The following PUDP variants were observed in gnomAD, a reference collection of about 807,000 sequenced individuals.
PUDP encodes the protein pseudouridine 5'-phosphatase.
Under a neutral mutation model 9.4 loss-of-function variants are expected in PUDP, and 8 were observed. The observed-to-expected ratio is 0.85, with a 90% CI of 0.50 to 1.53. PUDP has a LOEUF of 1.53. Ranked by LOEUF, PUDP falls within the 40% of genes most tolerant of loss-of-function variation. PUDP has a pLI of 0.00. For missense variants in PUDP, 188 were observed against 189.7 expected (o/e 0.99, Z 0.05); for synonymous variants, 99 against 80.7 (o/e 1.23, Z -1.22).
intron 3 of PUDP, among the ~76,000 whole-genome samples, chrX:6,852,502 T>C (rs1399446420): frequency 9.0e-6 from 1 of 111,650 alleles, no homozygotes; most frequent in Non-Finnish European, 1.9e-5. Flanking sequence ...TCATGCTCCT[T>C]AGGGTCTGTT....
intron 3 of PUDP, among the ~76,000 whole-genome samples, chrX:6,969,545 G>T (rs891102191): frequency 7.1e-5 from 8 of 112,461 alleles, no homozygotes; most frequent in Admixed American, 9.4e-5. Flanking sequence ...ACTGTGAAGG[G>T]TTAATCACAT....
intron 2 of PUDP, among the ~76,000 whole-genome samples, chrX:7,104,793 T>G (rs1931832776): frequency 8.9e-6 from 1 of 112,052 alleles, no homozygotes; most frequent in Non-Finnish European, 1.9e-5. Flanking sequence ...CCAGGAATGG[T>G]CAATCCACAT....
chrX:7,130,588 T>C lies in PUDP; in HGVS notation c.61+17465A>G, dbSNP rs151262178. ...CAGCACTTTAGGAGGCCGAGGCAGG[T>C]GGATCACTTGAGTCCAGGAGTTTGA... On this transcript the variant is annotated intron_variant, in intron 1 of 3. Transcript: ENST00000381077. Among the ~76,000 whole-genome samples, 1,050 of 110,765 alleles carry C rather than the reference T, an allele frequency of 9.5e-3. 10 individuals are homozygous for C. The highest frequency in any genetic ancestry group is 0.033 in the African/African-American group (988 of 30,367).
chrX:6,935,258 A>G (rs773732729), intron 3 of PUDP, among the ~76,000 whole-genome samples: 9 of 96,701 alleles, frequency 9.3e-5, no homozygotes, highest in African/African-American at 3.4e-4. Flanking sequence ...GCAAATGTAA[A>G]AGAACAGAAA....
At chrX:6,750,580 T>C (rs1445479760) in intron 3 of PUDP, among the ~76,000 whole-genome samples, 1 of 111,620 alleles carries the variant, frequency 9.0e-6, no homozygotes, top group African/African-American at 3.3e-5. Context: ...CTGGAAACAT[T>C]GACCCCTGGT....
At chrX:7,122,195 T>A (rs914972825) in intron 1 of PUDP, among the ~76,000 whole-genome samples, 16 of 92,060 alleles carry the variant, frequency 1.7e-4, no homozygotes, top group Non-Finnish European at 2.5e-4. Flanking sequence ...AGACCCTGTC[T>A]CAAAAAAAAA....
At chrX:6,832,860 C>T (rs980252178) in intron 3 of PUDP, among the ~76,000 whole-genome samples, 1 of 111,371 alleles carries the variant, frequency 9.0e-6, no homozygotes, top group Non-Finnish European at 1.9e-5. Context: ...GCTGTGGAGG[C>T]CCTTCTGCAC....
intron 3 of PUDP, among the ~76,000 whole-genome samples, chrX:6,970,438 T>C (rs1330897217): frequency 9.0e-6 from 1 of 110,856 alleles, no homozygotes; most frequent in African/African-American, 3.3e-5. Flanking sequence ...CAGTAGGGGG[T>C]TGCCGGATGG....
At chrX:6,787,717 A>G in intron 3 of PUDP, among the ~76,000 whole-genome samples, 1 of 112,384 alleles carries the variant, frequency 8.9e-6, no homozygotes, top group Non-Finnish European at 1.9e-5. Flanking sequence ...CACTGTGGTC[A>G]TTAATTACTT....
At position 7,086,158 on chromosome X, in the gene PUDP, T is replaced by A. The variant is rs112942683; in HGVS notation, c.281-8709A>T. On this transcript the variant is annotated intron_variant, in intron 2 of 3. Transcript: ENST00000381077. ...AAATGCCCAGTCACCTCTGGGATAA[T>A]TGATGTTGAGCCCAGTTTCACATTG... 4.0e-3 allele frequency among the ~76,000 whole-genome samples: 453 copies of A among 111,894 alleles called. 2 individuals carry two copies. Among genetic ancestry groups the A allele is most frequent in the African/African-American group, 0.014 (437 of 30,768 alleles).
intron 3 of PUDP, among the ~76,000 whole-genome samples, chrX:6,775,478 G>A (rs937605107): frequency 1.1e-5 from 1 of 87,982 alleles, no homozygotes; most frequent in African/African-American, 4.2e-5. Flanking sequence ...TAGATAGATA[G>A]ATAGATACAC....
chrX:6,758,142 T>C lies in PUDP; in HGVS notation c.*248-51676A>G, dbSNP rs1013331654. 8.0e-5 allele frequency among the ~76,000 whole-genome samples: 9 copies of C among 112,133 alleles called. No homozygotes were observed. The Admixed American group carries it at 8.5e-4, about 11-fold the overall frequency. On this transcript the variant is annotated intron_variant and NMD_transcript_variant, in intron 3 of 3. Coordinates refer to the PUDP transcript ENST00000655425. ...ATATCTTCAAAAAAATATATCAGTG[T>C]CAAGCTACCTTGGTTAAGCAGTAAT...
At chrX:7,133,376 G>A (rs914583082) in intron 1 of PUDP, among the ~76,000 whole-genome samples, 3 of 111,772 alleles carry the variant, frequency 2.7e-5, no homozygotes, top group Non-Finnish European at 5.6e-5. Context: ...AAGCCATAGG[G>A]ACGCCAAACA....
chrX:7,040,180 CT>C (rs1929903097), intron 1 of PUDP, among the ~76,000 whole-genome samples: 1 of 111,929 alleles, frequency 8.9e-6, no homozygotes, highest in South Asian at 3.8e-4. Context: ...ACCCTGGGCA[CT>C]GGTGTGGGGG....
At chrX:6,802,705 G>A (rs1185127590) in intron 3 of PUDP, among the ~76,000 whole-genome samples, 2 of 108,612 alleles carry the variant, frequency 1.8e-5, no homozygotes, top group African/African-American at 6.7e-5. Context: ...GCCACATGGT[G>A]AAACCCCGTC....
At chrX:6,824,150 A>G (rs1228545117) in intron 3 of PUDP, among the ~76,000 whole-genome samples, 1 of 111,669 alleles carries the variant, frequency 9.0e-6, no homozygotes, top group Non-Finnish European at 1.9e-5. Flanking sequence ...CACCACCCCT[A>G]TGCTGCTGTT....
At chrX:7,129,007 A>G (rs1437334792) in intron 1 of PUDP, among the ~76,000 whole-genome samples, 1 of 111,894 alleles carries the variant, frequency 8.9e-6, no homozygotes, top group Non-Finnish European at 1.9e-5. Context: ...ACTCAAATGC[A>G]GCTGGTTTGT....
chrX:6,813,217 A>AGGAG (rs1364662569), intron 3 of PUDP, among the ~76,000 whole-genome samples: 1 of 111,293 alleles, frequency 9.0e-6, no homozygotes. Flanking sequence ...AAAGAAAAGA[A>AGGAG]GGAGGGAGGG....
At chrX:7,124,895 C>T (rs1178937620) in intron 1 of PUDP, among the ~76,000 whole-genome samples, 8 of 109,391 alleles carry the variant, frequency 7.3e-5, no homozygotes, top group South Asian at 4.0e-4. Flanking sequence ...TTGCAGTGAG[C>T]GGAGATGGCG....
Sources: gnomAD v4.1 joint callset for allele counts (sites outside exome capture counted in the v4.1 genomes callset) on GRCh38, gnomAD v4.1.1 for gene constraint, MANE v1.5 for transcripts, NCBI Gene and HGNC (gene_info 2026-07-23, HGNC 2026-07-21) for gene names.